Variants in DCLRE1A observed in about 807,000 individuals in gnomAD.
DCLRE1A encodes DNA cross-link repair 1A, also known as DNA cross-link repair 1A protein.
A neutral mutation model predicts 91.9 loss-of-function variants in DCLRE1A; 64 were observed. That is an observed-to-expected ratio of 0.70 (90% confidence interval 0.57 to 0.86). The LOEUF is 0.86. DCLRE1A is among the 40% of genes least tolerant of loss of function. The pLI is 0.00. For missense variants in DCLRE1A, 1,145 were observed against 1,213.3 expected, an observed-to-expected ratio of 0.94 and a Z score of 0.84; for synonymous variants, 416 against 431.1, an observed-to-expected ratio of 0.96 and a Z score of 0.43.
Position 113,845,767 on chromosome 10 carries a change from G to T in DCLRE1A, c.2296C>A (p.Gln766Lys). The change falls in exon 4 of 9, where the codon CAA becomes AAA. Residue 766 changes from glutamine to lysine, a missense_variant. By Grantham distance (53) the Gln-to-Lys change is moderately conservative. Coordinates refer to ENST00000361384, the MANE Select transcript of DCLRE1A (RefSeq NM_014881.5). ...GGCAATGGGTGAATATATTGTTCTT[G>T]CACATGAAGCTTGTTCTTCAACAAA... The part of the protein sequence containing the change: ...GNLLKNKLHV[Q>K]EQYIHPLPLD... The T allele has an allele frequency of 5.0e-6, 8 of 1,614,102 alleles. No homozygotes were observed. The highest frequency in any genetic ancestry group is 6.8e-6 in the Non-Finnish European group (8 of 1,180,002).
At position 113,849,570 on chromosome 10, in the gene DCLRE1A, C is replaced by A. The variant is rs1227728550; in HGVS notation, c.1535G>T (p.Gly512Val). The A allele has an allele frequency of 6.2e-7, 1 of 1,613,824 alleles. No homozygotes were observed. Among genetic ancestry groups the A allele is most frequent in the African/African-American group, 1.3e-5 (1 of 75,056 alleles). The change falls in exon 2 of 9, where the codon GGT becomes GTT. Residue 512 changes from glycine (G) to valine (V), a missense_variant. Coordinates refer to ENST00000361384, the MANE Select transcript of DCLRE1A (RefSeq NM_014881.5). ...SACFCRKALE[G>V]VPVGKATILN... is the part of the protein sequence containing the mutation. ...AATTGTAGCTTTACCAACTGGCACA[C>A]CCTCTAATGCCTTTCTGCAGAAACA...
At chr10:113,846,910 C>T (rs967702946) in intron 3 of DCLRE1A, among the ~76,000 whole-genome samples, 1 of 152,026 alleles carries the variant, frequency 6.6e-6, no homozygotes, top group Non-Finnish European at 1.5e-5. Flanking sequence ...CTGTATTTTG[C>T]CTTGAGAATC....
intron 1 of DCLRE1A, among the ~76,000 whole-genome samples, chr10:113,851,722 CT>C (rs368490659): frequency 0.12 from 16,477 of 141,044 alleles, 1,180 homozygotes; most frequent in Non-Finnish European, 0.16. Context: ...TATATCTATA[CT>C]TTTTTTTTTT....
chr10:113,853,267 T>A lies in DCLRE1A; in HGVS notation c.-85A>T. On this transcript the variant is annotated 5_prime_UTR_variant, in exon 1 of 9. Coordinates refer to ENST00000361384, the MANE Select transcript of DCLRE1A (RefSeq NM_014881.5). ...TTGTCACAAACAAAAAGTTATAGAA[T>A]TATTTTGCTGAGAAAAAAAACAAAG... is the stretch of plus-strand genomic sequence containing the variant. 1 of 1,293,442 alleles carries A rather than the reference T, an allele frequency of 7.7e-7. No individual in the cohort carries two copies. The highest frequency in any genetic ancestry group is 1.0e-6 in the Non-Finnish European group (1 of 974,470). The allele number at this position is 1,293,442 out of a possible 1,614,324, so 80.1% of individuals were successfully genotyped here. A position where few individuals can be genotyped will look rare whatever the true frequency, so the allele number is the denominator to read the frequency against.
chr10:113,835,117 G>C lies in DCLRE1A; in HGVS notation c.*35C>G, dbSNP rs770816255. On this transcript the variant is annotated 3_prime_UTR_variant, in exon 9 of 9. Coordinates refer to ENST00000361384, the MANE Select transcript of DCLRE1A (RefSeq NM_014881.5). ...TTAACTACTAACAAGCTACATCCAA[G>C]GAACTTAACTACTACTGAATCCTCG... is the stretch of plus-strand genomic sequence containing the variant. The C allele has an allele frequency of 6.3e-7, 1 of 1,587,074 alleles. No homozygotes were observed. The highest frequency in any genetic ancestry group is 8.6e-7 in the Non-Finnish European group (1 of 1,167,498).
At chr10:113,840,979 C>T (rs1845436726) in intron 7 of DCLRE1A, among the ~76,000 whole-genome samples, 1 of 152,064 alleles carries the variant, frequency 6.6e-6, no homozygotes, top group South Asian at 2.1e-4. Flanking sequence ...ATTGTCGCAA[C>T]AAGTAAATTT....
chr10:113,840,491 G>A (rs1456759980), intron 7 of DCLRE1A, among the ~76,000 whole-genome samples: 1 of 152,004 alleles, frequency 6.6e-6, no homozygotes. Context: ...AAGTGGATGC[G>A]CTTCATTACC....
In DCLRE1A at chr10:113,849,258, G is replaced by C; in HGVS notation, c.1847C>G (p.Thr616Ser). 1.2e-6 allele frequency: 2 copies of C among 1,614,108 alleles called. No homozygotes were observed. Among genetic ancestry groups the C allele is most frequent in the African/African-American group, 1.3e-5 (1 of 75,034 alleles). ...CACAGAAAGCTGACTCTCATGTAAA[G>C]TACTTGCATCAAATTCTAAATCACT... is the stretch of plus-strand genomic sequence containing the variant. ...SLSDLEFDAS[T>S]LHESQLSVEL... is the part of the protein sequence containing the mutation. The change falls in exon 2 of 9, where the codon ACT (threonine) becomes AGT (serine). Residue 616 changes from threonine (T) to serine (S), a missense_variant. By Grantham distance (58) the Thr-to-Ser change is moderately conservative. Transcript: ENST00000361384.
Position 113,847,307 on chromosome 10 carries a change from C to T in DCLRE1A, c.2154G>A (p.Gln718=), listed in dbSNP as rs1845555351. ...PGTGFTVDAF[Q]YGVVEGCTAY... ...CTGTGCAACCTTCAACCACGCCATA[C>T]TGAAAGGCATCAACTGTAAAGCCGG... Residue 718 remains glutamine (Q), a synonymous_variant, in exon 3 of 9, where the codon CAG becomes CAA. Transcript: ENST00000361384. The T allele has an allele frequency of 6.2e-7, 1 of 1,613,940 alleles. No homozygotes were observed. Among genetic ancestry groups the T allele is most frequent in the South Asian group, 1.1e-5 (1 of 91,064 alleles).
intron 8 of DCLRE1A, among the ~76,000 whole-genome samples, chr10:113,836,393 A>G (rs1845363373): frequency 6.6e-6 from 1 of 152,136 alleles, no homozygotes; most frequent in African/African-American, 2.4e-5. Flanking sequence ...TATGAGTCAA[A>G]TGTGAAGAAT....
At chr10:113,846,105 C>G (rs1046826861) in intron 3 of DCLRE1A, among the ~76,000 whole-genome samples, 3 of 152,112 alleles carry the variant, frequency 2.0e-5, no homozygotes, top group African/African-American at 7.2e-5. Flanking sequence ...ACCTTGTGTT[C>G]TAGCCATTTT....
At position 113,853,376 on chromosome 10, in the gene DCLRE1A, A is replaced by C. The variant is rs1333110644; in HGVS notation, c.-194T>G. On this transcript the variant is annotated 5_prime_UTR_variant, in exon 1 of 9. Transcript: ENST00000361384. ...CAAGCTACAAACCTTGTACCTGACA[A>C]CACCTGCTATTCCATTTATACCACA... is the stretch of plus-strand genomic sequence containing the variant. 3.7e-6 allele frequency: 2 copies of C among 535,186 alleles called. No individual in the cohort carries two copies. Among genetic ancestry groups the C allele is most frequent in the African/African-American group, 1.9e-5 (1 of 51,302 alleles). 33.2% of individuals were successfully genotyped at this position (535,186 alleles called of 1,614,324 possible).
At position 113,853,367 on chromosome 10, in the gene DCLRE1A, TACCTGACAAC is replaced by T. The variant is rs757811887; in HGVS notation, c.-195_-186del. 1.8e-6 allele frequency: 1 copy of T among 559,488 alleles called. No homozygotes were observed. Among genetic ancestry groups the T allele is most frequent in the Non-Finnish European group, 3.1e-6 (1 of 326,678 alleles). The allele number at this position is 559,488 out of a possible 1,614,324, so 34.7% of individuals were successfully genotyped here. A position where few individuals can be genotyped will look rare whatever the true frequency, so the allele number is the denominator to read the frequency against. On this transcript the variant is annotated 5_prime_UTR_variant, in exon 1 of 9. Transcript: ENST00000361384. Reference sequence around the variant, plus strand: ...ACATATTGGCAAGCTACAAACCTTGTACCTGACAACACCTGCTATTCCATTTATACCACAA... The same window carrying T: ...ACATATTGGCAAGCTACAAACCTTGTACCTGCTATTCCATTTATACCACAA...
At position 113,837,356 on chromosome 10, in the gene DCLRE1A, T is replaced by C. The variant is rs535712383; in HGVS notation, c.2821-153A>G. ...CTAGTGCTATGCTTCTAAAAAATAA[T>C]CACTGAAAAAAAAATATATAAAATA... On this transcript the variant is annotated intron_variant, in intron 7 of 8. Coordinates refer to ENST00000361384, the MANE Select transcript of DCLRE1A (RefSeq NM_014881.5). Among the ~76,000 whole-genome samples the C allele has an allele frequency of 1.2e-4, 18 of 152,024 alleles. No individual in the cohort carries two copies. In the East Asian group the frequency reaches 3.5e-3, roughly 29 times the overall value.
chr10:113,840,553 T>G (rs547198213), intron 7 of DCLRE1A, among the ~76,000 whole-genome samples: 1 of 152,254 alleles, frequency 6.6e-6, no homozygotes, highest in East Asian at 1.9e-4. Context: ...TTCTCTTATC[T>G]TAGATTCTCC....
chr10:113,843,298 C>A (rs1293022298), intron 5 of DCLRE1A, among the ~76,000 whole-genome samples: 2 of 152,060 alleles, frequency 1.3e-5, no homozygotes, highest in Non-Finnish European at 2.9e-5. Flanking sequence ...CCTATAACAA[C>A]CCATGAGGAA....
intron 3 of DCLRE1A, 66 bp from the exon 4 acceptor site, chr10:113,845,869 T>G: frequency 7.9e-7 from 1 of 1,267,620 alleles, no homozygotes; most frequent in Non-Finnish European, 1.2e-6. Context: ...CATATCTAGT[T>G]TAGAACCATA....
intron 1 of DCLRE1A, 41 bp from the exon 2 acceptor site, chr10:113,850,685 A>T: frequency 6.9e-7 from 1 of 1,450,530 alleles, no homozygotes; most frequent in Non-Finnish European, 9.3e-7. Flanking sequence ...CGATCAAAGC[A>T]TAGACTAAGC....
chr10:113,851,471 A>G (rs564371813), intron 1 of DCLRE1A, among the ~76,000 whole-genome samples: 1 of 152,288 alleles, frequency 6.6e-6, no homozygotes, highest in South Asian at 2.1e-4. Flanking sequence ...CCATATATGG[A>G]ATATAAATGA....
Sources: allele counts gnomAD v4.1 joint callset (sites outside exome capture counted in the v4.1 genomes callset), GRCh38; gene constraint gnomAD v4.1.1; transcripts MANE v1.5; gene names NCBI Gene and HGNC (gene_info 2026-07-23, HGNC 2026-07-21).